The following MGA variants were observed in gnomAD, a reference collection of about 807,000 sequenced individuals.
MGA encodes the protein MAX gene-associated protein.
Under a neutral mutation model 261.1 loss-of-function variants are expected in MGA, and 40 were observed. The ratio of observed to expected loss-of-function variants is 0.15; its 90% CI spans 0.12 to 0.20. MGA has a LOEUF of 0.20. Ranked by LOEUF, MGA falls within the 10% of genes least tolerant of loss-of-function variation. The pLI is 1.00. For synonymous variants in MGA, 1,302 were observed against 1,290.6 expected, an observed-to-expected ratio of 1.01 and a Z score of -0.19; for missense variants, 3,397 against 3,630.5, an observed-to-expected ratio of 0.94 and a Z score of 1.65.
intron 8 of MGA, among the ~76,000 whole-genome samples, chr15:41,711,699 T>C (rs562713573): frequency 5.3e-5 from 8 of 152,182 alleles, no homozygotes; most frequent in African/African-American, 1.9e-4. Flanking sequence ...ATTGTGCTTT[T>C]ATTTTTTATT....
chr15:41,641,479 T>A (rs1281328555), intron 1 of MGA, among the ~76,000 whole-genome samples: 1 of 149,608 alleles, frequency 6.7e-6, no homozygotes, highest in Non-Finnish European at 1.5e-5. Context: ...TTTTTCTACA[T>A]CCTAACACTT....
intron 14 of MGA, among the ~76,000 whole-genome samples, chr15:41,742,324 G>T (rs1385287629): frequency 3.9e-5 from 6 of 152,010 alleles, no homozygotes; most frequent in Non-Finnish European, 8.8e-5. Flanking sequence ...GGGAGACAGA[G>T]GTTGCAGTGA....
chr15:41,657,339 CTTTTTTTTTTTTTTTTTT>C (rs373920516), upstream of MGA, among the ~76,000 whole-genome samples: 73,611 of 111,568 alleles, frequency 0.66, 22,843 homozygotes, highest in Middle Eastern at 0.8. Context: ...AGTGAAGGCC[CTTTTTTTTTTTTTTTTTT>C]TTTTTTTTTT....
At chr15:41,717,378 A>G (rs1209490046) in intron 9 of MGA, among the ~76,000 whole-genome samples, 2 of 152,234 alleles carry the variant, frequency 1.3e-5, no homozygotes, top group African/African-American at 2.4e-5. Context: ...AAAAAAATCA[A>G]TAAAATTGAT....
chr15:41,631,010 A>G (rs1468254125), intron 1 of MGA, among the ~76,000 whole-genome samples: 4 of 152,254 alleles, frequency 2.6e-5, no homozygotes, highest in Admixed American at 1.3e-4. Context: ...TGTATGAGGT[A>G]CAGTGTGGGG....
At chr15:41,658,565 C>G (rs2057257064), upstream of MGA, among the ~76,000 whole-genome samples, 1 of 152,036 alleles carries the variant, frequency 6.6e-6, no homozygotes, top group Non-Finnish European at 1.5e-5. Context: ...CATCTAAAAA[C>G]ACTTAAAAGT....
At chr15:41,665,630 C>A (rs542475024) in intron 1 of MGA, among the ~76,000 whole-genome samples, 1 of 152,158 alleles carries the variant, frequency 6.6e-6, no homozygotes, top group Admixed American at 6.5e-5. Context: ...AGCCTCCCAA[C>A]GTGCTGGCAT....
Position 41,754,540 on chromosome 15 carries a change from C to T in MGA, c.7112C>T (p.Ala2371Val), listed in dbSNP as rs933034569. Residue 2371 changes from alanine to valine, a missense_variant, in exon 18 of 24, where the codon GCG (alanine) becomes GTG (valine). Ala to Val is a moderately conservative substitution (Grantham distance 64, BLOSUM62 0). Coordinates refer to ENST00000219905, the MANE Select transcript of MGA (RefSeq NM_001164273.2). ...AATGTTGCTCACCTGAAGACCACAG[C>T]GGCCCACACACAGTCATTCAAACAG... The T allele has an allele frequency of 5.0e-6, 8 of 1,588,048 alleles. No individual in the cohort carries two copies. The highest frequency in any genetic ancestry group is 4.0e-5 in the African/African-American group (3 of 74,570).
chr15:41,659,814 C>T (rs903930371), upstream of MGA, among the ~76,000 whole-genome samples: 14 of 152,240 alleles, frequency 9.2e-5, no homozygotes, highest in African/African-American at 3.4e-4. Context: ...CTTCGCTTTC[C>T]AACTGCGCAC....
At chr15:41,646,773 TTGAGA>T (rs1485599083) in intron 1 of MGA, among the ~76,000 whole-genome samples, 2 of 125,804 alleles carry the variant, frequency 1.6e-5, no homozygotes, top group African/African-American at 7.5e-5. Flanking sequence ...GATGGGTTAA[TTGAGA>T]TATCACCCCA....
intron 1 of MGA, among the ~76,000 whole-genome samples, chr15:41,633,789 T>C (rs147487542): frequency 1.4e-4 from 22 of 152,250 alleles, no homozygotes; most frequent in African/African-American, 5.3e-4. Context: ...GCTGTTAAAG[T>C]CCAGTCATAT....
rs2063907918 is a variant in MGA at position 41,768,536 on chromosome 15, T to C, written c.*1256T>C. 1 of 152,618 alleles carries C rather than the reference T, an allele frequency of 6.6e-6. No homozygotes were observed. The highest frequency in any genetic ancestry group is 2.4e-5 in the African/African-American group (1 of 41,452). The allele number at this position is 152,618 out of a possible 1,614,324, so 9.5% of individuals were successfully genotyped here. On this transcript the variant is annotated 3_prime_UTR_variant, in exon 24 of 24. Transcript: ENST00000219905. ...ACTTGAGGGGTCTCTTGGAAACTCC[T>C]AGGGGGTCAAGAATCACTATTCTGA... is the stretch of plus-strand genomic sequence containing the variant.
intron 3 of MGA, 87 bp downstream of exon 3, chr15:41,697,110 T>C (rs1486660743): frequency 8.9e-7 from 1 of 1,126,436 alleles, no homozygotes; most frequent in South Asian, 1.7e-5. Context: ...ATTTACAATC[T>C]AGTTTTGTGA....
chr15:41,749,012 A>G, intron 16 of MGA, 85 bp downstream of exon 16: 1 of 1,545,016 alleles, frequency 6.5e-7, no homozygotes. Flanking sequence ...GTTTTTCTTC[A>G]TCTCTTAAGA....
chr15:41,708,046 G>A, intron 6 of MGA, 58 bp from the exon 7 acceptor site: 7 of 1,418,074 alleles, frequency 4.9e-6, no homozygotes, highest in South Asian at 1.3e-5. Flanking sequence ...TAATTAACTA[G>A]GTCCATAATA....
At chr15:41,645,311 C>T (rs573848609) in intron 1 of MGA, among the ~76,000 whole-genome samples, 77 of 152,294 alleles carry the variant, frequency 5.1e-4, no homozygotes, top group Non-Finnish European at 9.1e-4. Context: ...CTGTTAGGGC[C>T]GAGTGCGGTG....
chr15:41,767,333 T>C lies in MGA; in HGVS notation c.*53T>C. 11 of 1,515,236 alleles carry C rather than the reference T, an allele frequency of 7.3e-6. No individual in the cohort carries two copies. Among genetic ancestry groups the C allele is most frequent in the South Asian group, 1.3e-5 (1 of 79,880 alleles). The allele number at this position is 1,515,236 out of a possible 1,614,324, so 93.9% of individuals were successfully genotyped here. The stretch of plus-strand genomic sequence containing the variant: ...GCTGTGAGGGGAAATAGATCTCACC[T>C]CCTTTCTCTGCAGGCATCTGTTTGT... On this transcript the variant is annotated 3_prime_UTR_variant, in exon 24 of 24. Transcript: ENST00000219905.
upstream of MGA, among the ~76,000 whole-genome samples, chr15:41,656,377 T>TCTCACA (rs1555403733): frequency 6.2e-3 from 425 of 68,218 alleles, 20 homozygotes; most frequent in Admixed American, 0.014. Context: ...TCTCTCTCTC[T>TCTCACA]CACACCCAGG....
At chr15:41,765,153 A>G (rs1013831367) in intron 23 of MGA, 91 bp downstream of exon 23, 17 of 1,400,706 alleles carry the variant, frequency 1.2e-5, no homozygotes, top group Non-Finnish European at 1.5e-5. Flanking sequence ...GTGTTCTGTA[A>G]TGATAAAGAG....
Sources: allele counts gnomAD v4.1 joint callset (sites outside exome capture counted in the v4.1 genomes callset), GRCh38; gene constraint gnomAD v4.1.1; transcripts MANE v1.5; gene names NCBI Gene and HGNC (gene_info 2026-07-23, HGNC 2026-07-21).